Variants in RORA observed in about 807,000 individuals in gnomAD.
RORA encodes nuclear receptor ROR-alpha.
Under a neutral mutation model 69.5 loss-of-function variants are expected in RORA, and 7 were observed. The ratio of observed to expected loss-of-function variants is 0.10; its 90% confidence interval spans 0.06 to 0.19. The LOEUF (loss-of-function observed/expected upper bound fraction) is 0.19. Among genes scored for constraint, RORA ranks in the 10% least tolerant of loss-of-function variants. The probability of loss-of-function intolerance (pLI) is 1.00; values close to 1 mark genes in which losing one functional copy is unlikely to be tolerated. For synonymous variants in RORA, 261 were observed against 240.8 expected, an observed-to-expected ratio of 1.08 and a Z score of -0.78; for missense variants, 457 against 663.0, an observed-to-expected ratio of 0.69 and a Z score of 3.41.
chr15:61,198,870 C>T (rs2079870465), intron 1 of RORA, among the ~76,000 whole-genome samples: 1 of 152,074 alleles, frequency 6.6e-6, no homozygotes, highest in African/African-American at 2.4e-5. Context: ...CCCTTAACTC[C>T]TCCTTCTTTC....
rs2065703247 is a variant in RORA, at chr15:60,511,675, C to G, written c.425-54G>C. On this transcript the variant is annotated intron_variant, in intron 4 of 10. Coordinates refer to ENST00000335670, the MANE Select transcript of RORA (RefSeq NM_134261.3). This position sits in a 1 kb window ranked among gnomAD's most constrained non-coding sequence, Gnocchi z 6.4. ...ATACAATGCGCTTTTCTTCAATATT[C>G]TCTCCTGCGAGCTTTGGGGTTTCCT... 6.6e-7 allele frequency: 1 copy of G among 1,517,754 alleles called. No homozygotes were observed. The highest frequency in any genetic ancestry group is 1.3e-5 in the South Asian group (1 of 75,052). 94.0% of individuals were successfully genotyped at this position (1,517,754 alleles called of 1,614,324 possible).
chr15:61,193,461 T>G (rs1004050010), intron 1 of RORA, among the ~76,000 whole-genome samples: 3 of 152,158 alleles, frequency 2.0e-5, no homozygotes, highest in African/African-American at 7.2e-5. Flanking sequence ...GGTCTCTTGC[T>G]GTAGAGGAAC....
chr15:60,946,334 A>T (rs1366377893), intron 1 of RORA, among the ~76,000 whole-genome samples: 1 of 151,884 alleles, frequency 6.6e-6, no homozygotes, highest in Non-Finnish European at 1.5e-5. Flanking sequence ...GCGGGACTGT[A>T]CTGCCGCCAT....
rs192428827 is a variant in RORA, at chr15:61,012,938, C to T, written c.166+216115G>A. 3.5e-4 allele frequency among the ~76,000 whole-genome samples: 53 copies of T among 152,310 alleles called. 2 individuals are homozygous for T. Among genetic ancestry groups the T allele is most frequent in the Admixed American group, 3.1e-3 (47 of 15,298 alleles). ...ATGCTGGGATTATAGGTGTGAGCCA[C>T]CGCGCTCCCAGCCTCATCTAACTTC... On this transcript the variant is annotated intron_variant, in intron 1 of 10. Transcript: ENST00000335670.
chr15:60,940,842 G>A (rs1892672542), intron 1 of RORA, among the ~76,000 whole-genome samples: 1 of 152,176 alleles, frequency 6.6e-6, no homozygotes, highest in Admixed American at 6.5e-5. Flanking sequence ...CAGGGGAATT[G>A]TTTGAACTCG....
intron 2 of RORA, among the ~76,000 whole-genome samples, chr15:60,585,335 CAG>C (rs772716122): frequency 7.2e-5 from 11 of 152,306 alleles, no homozygotes; most frequent in South Asian, 4.2e-4. Context: ...CTACCTCATG[CAG>C]AGTTTCTGAC....
At chr15:60,963,568 T>A (rs933494113) in intron 1 of RORA, among the ~76,000 whole-genome samples, 1 of 152,202 alleles carries the variant, frequency 6.6e-6, no homozygotes, top group African/African-American at 2.4e-5. Flanking sequence ...GGTAAGCCAA[T>A]AAAGAAATTG....
chr15:60,743,028 T>A (rs989269479), intron 1 of RORA, among the ~76,000 whole-genome samples: 2 of 149,416 alleles, frequency 1.3e-5, no homozygotes, highest in African/African-American at 4.9e-5. Context: ...TTTTTTTTTT[T>A]TTTTTTTTTT....
At position 60,830,859 on chromosome 15, in the gene RORA, G is replaced by A. The variant is rs1023129483; in HGVS notation, c.167-152173C>T. ...ACACTCAAGATTTTCTTGGGCATGA[G>A]GGACCACACCTCAATTTAATGGAAC... is the stretch of plus-strand genomic sequence containing the variant. On this transcript the variant is annotated intron_variant, in intron 1 of 10. Coordinates refer to ENST00000335670, the MANE Select transcript of RORA (RefSeq NM_134261.3). Among the ~76,000 whole-genome samples the A allele has an allele frequency of 2.0e-5, 3 of 152,200 alleles. No homozygotes were observed. In the South Asian group the frequency reaches 6.2e-4, roughly 32 times the overall value.
intron 2 of RORA, among the ~76,000 whole-genome samples, chr15:60,573,104 C>G (rs1328042128): frequency 1.3e-5 from 2 of 152,212 alleles, no homozygotes; most frequent in Non-Finnish European, 2.9e-5. Flanking sequence ...GTAGCACCAA[C>G]AGGGCTACAG....
chr15:61,144,253 AAC>A, intron 1 of RORA, among the ~76,000 whole-genome samples: 1 of 152,364 alleles, frequency 6.6e-6, no homozygotes, highest in East Asian at 1.9e-4. Flanking sequence ...ATGAAATCAC[AAC>A]AGAGACCTCA....
At chr15:60,934,981 AC>A (rs1892479065) in intron 1 of RORA, among the ~76,000 whole-genome samples, 1 of 152,140 alleles carries the variant, frequency 6.6e-6, no homozygotes, top group Non-Finnish European at 1.5e-5. Context: ...CTGTTCTAAA[AC>A]CTCTACACAT....
intron 1 of RORA, among the ~76,000 whole-genome samples, chr15:60,776,187 G>C (rs1348618177): frequency 6.6e-6 from 1 of 152,090 alleles, no homozygotes; most frequent in African/African-American, 2.4e-5. Flanking sequence ...TGACCAGCTT[G>C]CAGGAGCAGG....
intron 1 of RORA, among the ~76,000 whole-genome samples, chr15:60,987,791 C>G (rs550974672): frequency 6.6e-6 from 1 of 152,274 alleles, no homozygotes; most frequent in South Asian, 2.1e-4. Context: ...CCTGAGGAAG[C>G]AATTTTTATC....
intron 2 of RORA, among the ~76,000 whole-genome samples, chr15:60,586,012 G>A (rs1234001885): frequency 6.6e-6 from 1 of 152,154 alleles, no homozygotes; most frequent in African/African-American, 2.4e-5. Flanking sequence ...ACATGCGGCA[G>A]AAAAATACCT....
chr15:60,710,440 A>G (rs2071127502), intron 1 of RORA, among the ~76,000 whole-genome samples: 1 of 152,178 alleles, frequency 6.6e-6, no homozygotes, highest in Non-Finnish European at 1.5e-5. Context: ...GTGAGCCGAG[A>G]TGGCGCCATT....
chr15:61,034,714 A>T (rs961875386), intron 1 of RORA, among the ~76,000 whole-genome samples: 1 of 92,826 alleles, frequency 1.1e-5, no homozygotes, highest in Non-Finnish European at 2.2e-5. Context: ...AAGTTCAAGG[A>T]AAAAAAAAAT....
chr15:61,042,559 T>G (rs1896831379), intron 1 of RORA, among the ~76,000 whole-genome samples: 2 of 152,150 alleles, frequency 1.3e-5, no homozygotes, highest in African/African-American at 4.8e-5. Context: ...CTAATGCATT[T>G]CTTTTAACTT....
intron 2 of RORA, among the ~76,000 whole-genome samples, chr15:60,676,202 T>C (rs566856004): frequency 2.6e-5 from 4 of 152,312 alleles, no homozygotes; most frequent in Middle Eastern, 6.8e-3. Flanking sequence ...GTGACTGTTA[T>C]TAGAGAAAAA....
Sources: gnomAD v4.1 joint callset for allele counts (sites outside exome capture counted in the v4.1 genomes callset) on GRCh38, gnomAD v4.1.1 for gene constraint, Gnocchi (gnomAD v3.1) non-coding constraint, MANE v1.5 for transcripts, NCBI Gene and HGNC (gene_info 2026-07-23, HGNC 2026-07-21) for gene names.